The following EDDM13 variants were observed in gnomAD, a reference collection of about 807,000 sequenced individuals.
EDDM13 encodes the protein epididymal protein 13.
In EDDM13, 24 loss-of-function variants were observed where a neutral mutation model predicts 17.8. The observed-to-expected ratio is 1.35, with a 90% CI of 0.98 to 1.90. EDDM13 has a LOEUF of 1.90. Among genes scored for constraint, EDDM13 ranks in the 40% most tolerant of loss-of-function variants. The pLI, the probability that EDDM13 is intolerant of heterozygous loss-of-function variation, is 0.00. For synonymous variants in EDDM13, 31 were observed against 37.5 expected (o/e 0.83, Z 0.63); for missense variants, 97 against 100.8 (o/e 0.96, Z 0.16).
chr19:56,309,342 T>C lies in EDDM13; in HGVS notation c.462-782T>C, dbSNP rs80345236. On this transcript the variant is annotated intron_variant, in intron 14 of 14. Transcript: ENST00000649256. ...TGACTGCTTTTAATGGATTTCTTTT[T>C]TGGGTTGATGAAAATGTTCCACTCT... Among the ~76,000 whole-genome samples, 903 of 152,308 alleles carry C rather than the reference T, an allele frequency of 5.9e-3. 10 individuals carry two copies. The highest frequency in any genetic ancestry group is 0.02 in the African/African-American group (847 of 41,556).
chr19:56,282,841 G>A (rs1002611854), intron 4 of EDDM13, among the ~76,000 whole-genome samples: 5 of 152,182 alleles, frequency 3.3e-5, no homozygotes, highest in Non-Finnish European at 5.9e-5. Context: ...TTACATCTTT[G>A]CTTTCTGAGG....
At chr19:56,295,602 A>C (rs1026314427) in intron 9 of EDDM13, among the ~76,000 whole-genome samples, 1 of 152,116 alleles carries the variant, frequency 6.6e-6, no homozygotes, top group Non-Finnish European at 1.5e-5. Context: ...CTAAAAAACA[A>C]AAAACAAAAC....
At chr19:56,298,464 C>T (rs1324161308) in intron 12 of EDDM13, among the ~76,000 whole-genome samples, 2 of 152,016 alleles carry the variant, frequency 1.3e-5, no homozygotes, top group South Asian at 2.1e-4. Flanking sequence ...GATGAAACCC[C>T]GTCTGGTGAA....
intron 9 of EDDM13, chr19:56,294,978 G>C (rs1267817891): frequency 6.6e-6 from 1 of 152,238 alleles, no homozygotes; most frequent in African/African-American, 2.4e-5. Context: ...CCGCGGGAGA[G>C]GGGGGTGAGC....
At chr19:56,296,815 C>A (rs112383198) in intron 11 of EDDM13, among the ~76,000 whole-genome samples, 11 of 152,282 alleles carry the variant, frequency 7.2e-5, no homozygotes, top group African/African-American at 2.2e-4. Context: ...GGGTGGATCA[C>A]CTGAGGTCAG....
At chr19:56,290,712 A>C (rs1355585007) in intron 8 of EDDM13, among the ~76,000 whole-genome samples, 129 bp from the exon 9 acceptor site, 1 of 152,138 alleles carries the variant, frequency 6.6e-6, no homozygotes, top group Non-Finnish European at 1.5e-5. Context: ...ATAAATACAT[A>C]AACAGTTTAA....
chr19:56,290,182 G>A (rs1054735353), intron 8 of EDDM13, among the ~76,000 whole-genome samples: 6 of 152,180 alleles, frequency 3.9e-5, no homozygotes, highest in Non-Finnish European at 8.8e-5. Context: ...CTTTCAAAAG[G>A]TTTCTCAGGT....
chr19:56,294,550 G>C (rs1321930555), intron 9 of EDDM13, among the ~76,000 whole-genome samples: 1 of 152,168 alleles, frequency 6.6e-6, no homozygotes, highest in Non-Finnish European at 1.5e-5. Context: ...TCAGGGCCAG[G>C]TGGTCTCTGC....
chr19:56,291,049 G>GGT (rs2039475401), intron 9 of EDDM13, among the ~76,000 whole-genome samples: 1 of 152,158 alleles, frequency 6.6e-6, no homozygotes, highest in Non-Finnish European at 1.5e-5. Flanking sequence ...GAGCCGTGAG[G>GGT]GTGTGTCTGG....
intron 2 of EDDM13, among the ~76,000 whole-genome samples, chr19:56,276,528 G>T (rs930844030): frequency 7.2e-5 from 9 of 125,712 alleles, no homozygotes; most frequent in African/African-American, 2.4e-4. Flanking sequence ...TTCCAGTGAG[G>T]GTTATTTTTA....
At chr19:56,307,565 ACGTTACTCT>A (rs2147335108) in intron 14 of EDDM13, among the ~76,000 whole-genome samples, 1 of 152,326 alleles carries the variant, frequency 6.6e-6, no homozygotes, top group East Asian at 1.9e-4. Flanking sequence ...CTGCTGTCTT[ACGTTACTCT>A]CTTTTACCCC....
At chr19:56,298,807 T>G (rs1420097880) in intron 12 of EDDM13, among the ~76,000 whole-genome samples, 1 of 152,186 alleles carries the variant, frequency 6.6e-6, no homozygotes, top group Non-Finnish European at 1.5e-5. Flanking sequence ...CAGGAAATCT[T>G]CCAGAAAATT....
At chr19:56,289,311 T>C (rs1286213379) in intron 8 of EDDM13, among the ~76,000 whole-genome samples, 2 of 152,156 alleles carry the variant, frequency 1.3e-5, no homozygotes, top group Non-Finnish European at 2.9e-5. Context: ...ATTGCTCCAA[T>C]GCGAGGGAGC....
chr19:56,273,205 C>T (rs1600148556), intron 1 of EDDM13, among the ~76,000 whole-genome samples: 1 of 152,208 alleles, frequency 6.6e-6, no homozygotes, highest in African/African-American at 2.4e-5. Flanking sequence ...ATCTGACCAA[C>T]GGGGCTCACA....
intron 14 of EDDM13, among the ~76,000 whole-genome samples, chr19:56,309,817 A>G (rs912328323): frequency 1.3e-5 from 2 of 152,142 alleles, no homozygotes; most frequent in African/African-American, 4.8e-5. Flanking sequence ...GCTGCTTCCC[A>G]CTGGCTGGTT....
intron 1 of EDDM13, among the ~76,000 whole-genome samples, chr19:56,274,046 G>C (rs1417842076): frequency 1.3e-5 from 2 of 152,168 alleles, no homozygotes; most frequent in Non-Finnish European, 2.9e-5. Context: ...TCACAGGATT[G>C]AGTGATGGGT....
chr19:56,291,170 T>C (rs548242975), intron 9 of EDDM13, among the ~76,000 whole-genome samples: 6 of 152,290 alleles, frequency 3.9e-5, no homozygotes, highest in African/African-American at 1.4e-4. Context: ...CATTGAGTTG[T>C]ACATATTTGT....
intron 9 of EDDM13, among the ~76,000 whole-genome samples, chr19:56,292,798 T>C (rs866998516): frequency 4.3e-4 from 65 of 152,348 alleles, no homozygotes; most frequent in African/African-American, 1.5e-3. Flanking sequence ...AGGTACCTCA[T>C]AGAAGTAGAA....
intron 13 of EDDM13, among the ~76,000 whole-genome samples, chr19:56,302,530 C>CCCCT (rs2040344107): frequency 4.1e-5 from 1 of 24,502 alleles, no homozygotes; most frequent in Non-Finnish European, 1.4e-4. Flanking sequence ...CCCTCCCTCC[C>CCCCT]TCTTCTTCCT....
Sources: allele counts gnomAD v4.1 joint callset (sites outside exome capture counted in the v4.1 genomes callset), GRCh38; gene constraint gnomAD v4.1.1; transcripts MANE v1.5; gene names NCBI Gene and HGNC (gene_info 2026-07-23, HGNC 2026-07-21).